Variants in ACSL6 observed in about 807,000 individuals in gnomAD.
The protein encoded by ACSL6 is acyl-CoA synthetase long chain family member 6.
ACSL6 carries 47 observed loss-of-function variants against 98.2 expected under a neutral mutation model. The ratio of observed to expected loss-of-function variants is 0.48; its 90% CI spans 0.38 to 0.61. ACSL6 has a LOEUF of 0.61. Among genes scored for constraint, ACSL6 ranks in the 20% least tolerant of loss-of-function variants. The probability of loss-of-function intolerance (pLI) is 0.00; values close to 1 mark genes in which losing one functional copy is unlikely to be tolerated. For missense variants in ACSL6, 761 were observed against 913.4 expected, an observed-to-expected ratio of 0.83 and a Z score of 2.15; for synonymous variants, 362 against 336.9, an observed-to-expected ratio of 1.07 and a Z score of -0.82.
At chr5:131,989,365 A>G (rs1754378160) in intron 5 of ACSL6, 42 bp downstream of exon 5, 1 of 1,578,324 alleles carries the variant, frequency 6.3e-7, no homozygotes, top group South Asian at 1.1e-5. Context: ...GCCAACCCCT[A>G]CCCCACGAAT....
chr5:132,004,107 G>A (rs551505702), intron 1 of ACSL6, among the ~76,000 whole-genome samples: 3 of 152,152 alleles, frequency 2.0e-5, no homozygotes, highest in Non-Finnish European at 4.4e-5. Flanking sequence ...AAGTGCCCTC[G>A]AGTGGGAGGT....
rs546460823 is a variant in ACSL6 at position 131,995,527 on chromosome 5, C to T, written c.50-1276G>A. ...GGCACCCTCCTCACAGGCCCTAAGC[C>T]TTTGGAAGCATGGCTGTGCTTCCAA... On this transcript the variant is annotated intron_variant, in intron 1 of 20. Coordinates refer to ENST00000651883, the MANE Select transcript of ACSL6 (RefSeq NM_001009185.3). Among the ~76,000 whole-genome samples, 162 of 152,270 alleles carry T rather than the reference C, an allele frequency of 1.1e-3. 1 individual carries two copies. Among genetic ancestry groups the T allele is most frequent in the African/African-American group, 3.7e-3 (155 of 41,544 alleles).
chr5:131,985,153 T>C (rs2126876411), intron 9 of ACSL6: 1 of 526,978 alleles, frequency 1.9e-6, no homozygotes, highest in South Asian at 2.0e-5. Flanking sequence ...CAGCTGCCCA[T>C]GACTCTGCTG....
chr5:131,953,969 G>A lies in ACSL6; in HGVS notation c.*265C>T, dbSNP rs1752271031. 1 of 282,344 alleles carries A rather than the reference G, an allele frequency of 3.5e-6. No individual in the cohort carries two copies. Among genetic ancestry groups the A allele is most frequent in the Non-Finnish European group, 6.6e-6 (1 of 151,856 alleles). The allele number at this position is 282,344 out of a possible 1,614,324, so 17.5% of individuals were successfully genotyped here. ...AATATATTACTTTTAGTGGTACACA[G>A]TTCTTGAGAAAATGTCTTGATTTTT... is the stretch of plus-strand genomic sequence containing the variant. On this transcript the variant is annotated 3_prime_UTR_variant, in exon 21 of 21. Transcript: ENST00000651883.
intron 14 of ACSL6, 67 bp downstream of exon 14, chr5:131,971,483 G>A: frequency 1.5e-6 from 2 of 1,346,140 alleles, no homozygotes; most frequent in South Asian, 1.6e-5. Flanking sequence ...GCAGTAGAGG[G>A]TATAGTAGTT....
At chr5:131,968,785 G>A (rs536530242) in intron 15 of ACSL6, among the ~76,000 whole-genome samples, 5 of 152,252 alleles carry the variant, frequency 3.3e-5, no homozygotes, top group African/African-American at 9.6e-5. Flanking sequence ...AAATTGAGCC[G>A]CGTATATGAA....
chr5:131,992,888 T>C (rs945082245), intron 2 of ACSL6, among the ~76,000 whole-genome samples: 1 of 152,184 alleles, frequency 6.6e-6, no homozygotes, highest in South Asian at 2.1e-4. Flanking sequence ...ACACCCAATC[T>C]TTACCACACC....
Position 131,966,408 on chromosome 5 carries a change from A to T in ACSL6, c.1713+8T>A. On this transcript the variant is annotated splice_region_variant and intron_variant, in intron 17 of 20. Transcript: ENST00000651883. ...TGTTTGGAGCTCCGTGGTTCCAAAC[A>T]TACACACCGGCAGCCATTTTCCGAT... The T allele has an allele frequency of 7.4e-6, 12 of 1,613,938 alleles. No homozygotes were observed. Among genetic ancestry groups the T allele is most frequent in the Non-Finnish European group, 1.0e-5 (12 of 1,179,932 alleles).
intron 9 of ACSL6, among the ~76,000 whole-genome samples, chr5:131,980,571 T>C (rs1486818686): frequency 6.6e-6 from 1 of 152,242 alleles, no homozygotes; most frequent in Non-Finnish European, 1.5e-5. Flanking sequence ...TGACTGTATA[T>C]GCCTGGGCTT....
chr5:132,001,654 T>C (rs1755091409), intron 1 of ACSL6, among the ~76,000 whole-genome samples: 1 of 152,174 alleles, frequency 6.6e-6, no homozygotes, highest in African/African-American at 2.4e-5. Context: ...CCCTTGAATG[T>C]AGAAAGGCCC....
intron 9 of ACSL6, among the ~76,000 whole-genome samples, chr5:131,981,691 C>G (rs753871302): frequency 5.3e-5 from 8 of 152,188 alleles, no homozygotes; most frequent in Non-Finnish European, 8.8e-5. Flanking sequence ...CAGATTTTGA[C>G]TATTACAAAC....
At chr5:131,972,637 C>T (rs1290089025) in intron 13 of ACSL6, 87 bp downstream of exon 13, 8 of 1,436,104 alleles carry the variant, frequency 5.6e-6, no homozygotes, top group Middle Eastern at 3.8e-4. Context: ...GATTACAGGG[C>T]ACTGGGATGA....
At chr5:131,981,527 C>T (rs896787761) in intron 9 of ACSL6, among the ~76,000 whole-genome samples, 1 of 152,132 alleles carries the variant, frequency 6.6e-6, no homozygotes, top group African/African-American at 2.4e-5. Context: ...TCCCAGAAGA[C>T]ACCCTCTACC....
At chr5:131,965,928 G>A (rs1487264122) in intron 17 of ACSL6, among the ~76,000 whole-genome samples, 2 of 152,190 alleles carry the variant, frequency 1.3e-5, no homozygotes, top group Non-Finnish European at 2.9e-5. Flanking sequence ...AGACGGGGAT[G>A]AGGCTCTGCT....
At chr5:131,969,280 G>A (rs1025108877) in intron 15 of ACSL6, among the ~76,000 whole-genome samples, 2 of 152,332 alleles carry the variant, frequency 1.3e-5, no homozygotes, top group Middle Eastern at 3.4e-3. Flanking sequence ...GCAGAAACAG[G>A]ATAGGTGGAT....
At chr5:131,965,388 A>G (rs973803798) in intron 17 of ACSL6, among the ~76,000 whole-genome samples, 1 of 152,220 alleles carries the variant, frequency 6.6e-6, no homozygotes, top group South Asian at 2.1e-4. Context: ...TCACAAAAAT[A>G]ACTTTATTTT....
rs1242110122 is a variant in ACSL6, at chr5:131,953,743, T to C, written c.*491A>G. On this transcript the variant is annotated 3_prime_UTR_variant, in exon 21 of 21. Transcript: ENST00000651883. ...AAGTTACGTAGACTATGAGTTATCA[T>C]GTTTTCTTTTAGCATGATTCTATAC... 5.1e-6 allele frequency: 1 copy of C among 194,482 alleles called. No individual in the cohort carries two copies. The highest frequency in any genetic ancestry group is 8.1e-5 in the East Asian group (1 of 12,358). The allele number at this position is 194,482 out of a possible 1,614,324, so 12.0% of individuals were successfully genotyped here.
chr5:131,971,531 G>T lies in ACSL6; in HGVS notation c.1434+19C>A. 1 of 1,582,332 alleles carries T rather than the reference G, an allele frequency of 6.3e-7. No individual in the cohort carries two copies. Among genetic ancestry groups the T allele is most frequent in the Non-Finnish European group, 8.6e-7 (1 of 1,161,872 alleles). On this transcript the variant is annotated intron_variant, in intron 14 of 20. Coordinates refer to ENST00000651883, the MANE Select transcript of ACSL6 (RefSeq NM_001009185.3). ...CGAACTTCCTGCTGTTTCCAAGGGA[G>T]GACACACAATGACAATACCTGGCAC...
chr5:131,994,942 C>T (rs745537756), intron 1 of ACSL6, among the ~76,000 whole-genome samples: 16 of 152,230 alleles, frequency 1.1e-4, no homozygotes, highest in Non-Finnish European at 1.5e-4. Flanking sequence ...TGCTATCCTC[C>T]CTGATCCCTT....
Sources: gnomAD v4.1 joint callset for allele counts (sites outside exome capture counted in the v4.1 genomes callset) on GRCh38, gnomAD v4.1.1 for gene constraint, MANE v1.5 for transcripts, NCBI Gene and HGNC (gene_info 2026-07-23, HGNC 2026-07-21) for gene names.